SNX29: variants seen among roughly 807,000 people sequenced by gnomAD.
SNX29 encodes the protein sorting nexin-29.
Under a neutral mutation model 102.1 loss-of-function variants are expected in SNX29, and 78 were observed. The ratio of observed to expected loss-of-function variants is 0.76; its 90% CI spans 0.64 to 0.92. The LOEUF (loss-of-function observed/expected upper bound fraction) is 0.92. Ranked by LOEUF, SNX29 falls within the 40% of genes least tolerant of loss-of-function variation. SNX29 has a pLI of 0.00. For missense variants in SNX29, 1,280 were observed against 1,061.7 expected (o/e 1.21, Z -2.86); for synonymous variants, 580 against 414.5 (o/e 1.40, Z -4.85).
chr16:12,192,708 A>G (rs1266725113), intron 13 of SNX29, among the ~76,000 whole-genome samples: 1 of 151,648 alleles, frequency 6.6e-6, no homozygotes, highest in Non-Finnish European at 1.5e-5. Context: ...TCATTTATTT[A>G]TTTATTTATT....
chr16:12,335,781 CA>C (rs1460255268), intron 15 of SNX29, among the ~76,000 whole-genome samples: 5 of 151,884 alleles, frequency 3.3e-5, no homozygotes, highest in Admixed American at 6.5e-5. Flanking sequence ...CAGATTATTT[CA>C]GTGAATTTTT....
chr16:12,245,631 T>G (rs2078238373), intron 14 of SNX29, among the ~76,000 whole-genome samples: 1 of 152,298 alleles, frequency 6.6e-6, no homozygotes, highest in East Asian at 1.9e-4. Context: ...TCGTTGTGAT[T>G]TAGCCTCCCT....
At chr16:12,087,378 C>G (rs2052256038) in intron 11 of SNX29, 1 of 165,706 alleles carries the variant, frequency 6.0e-6, no homozygotes, top group Admixed American at 5.6e-5. Context: ...GATCGTGCCA[C>G]TGCACTCCAG....
chr16:12,059,312 C>T (rs531935499), intron 8 of SNX29, among the ~76,000 whole-genome samples: 42 of 152,316 alleles, frequency 2.8e-4, no homozygotes, highest in Non-Finnish European at 4.9e-4. Context: ...CTCTGGGTGC[C>T]GGCTCCGTGG....
chr16:12,210,060 G>T (rs2077142680), intron 14 of SNX29, among the ~76,000 whole-genome samples: 1 of 152,138 alleles, frequency 6.6e-6, no homozygotes, highest in Non-Finnish European at 1.5e-5. Flanking sequence ...CCCTTTCCTG[G>T]TAATCTGTTT....
intron 18 of SNX29, among the ~76,000 whole-genome samples, chr16:12,407,108 C>T (rs1169295057): frequency 1.3e-5 from 2 of 152,164 alleles, no homozygotes; most frequent in African/African-American, 4.8e-5. Context: ...GGTGTATGTG[C>T]CAAGTCAGGA....
rs1022928761 is a variant in SNX29 at position 12,096,180 on chromosome 16, G to A, written c.1402+17265G>A. Among the ~76,000 whole-genome samples the A allele has an allele frequency of 7.9e-5, 12 of 152,168 alleles. No individual in the cohort carries two copies. Among genetic ancestry groups the A allele is most frequent in the African/African-American group, 2.7e-4 (11 of 41,446 alleles). ...GACGTGGCCAACACAGATCCCTCAC[G>A]CTGGGCATCTTTCTTTAAAGGGGAA... On this transcript the variant is annotated intron_variant, in intron 11 of 20. Transcript: ENST00000566228. The surrounding 1 kb of genome is among the most constrained non-coding windows in gnomAD (Gnocchi z 4.2).
At chr16:12,113,802 C>T (rs1363636780) in intron 11 of SNX29, among the ~76,000 whole-genome samples, 2 of 152,208 alleles carry the variant, frequency 1.3e-5, no homozygotes, top group African/African-American at 2.4e-5. Context: ...GAGCGGCCAG[C>T]GGACAGGAAC....
chr16:12,513,555 C>A (rs962752320), intron 19 of SNX29, among the ~76,000 whole-genome samples: 3 of 152,112 alleles, frequency 2.0e-5, no homozygotes, highest in Admixed American at 6.5e-5. Context: ...AGGTGGTGAT[C>A]ACCTAGAAAA....
At chr16:12,563,942 T>G (rs894774763) in intron 20 of SNX29, among the ~76,000 whole-genome samples, 6 of 152,178 alleles carry the variant, frequency 3.9e-5, no homozygotes, top group Admixed American at 2.6e-4. Flanking sequence ...ACGCTGATCT[T>G]GTTCAAGAAA....
intron 5 of SNX29, among the ~76,000 whole-genome samples, chr16:12,044,266 C>G (rs1039779931): frequency 2.0e-5 from 3 of 152,202 alleles, no homozygotes; most frequent in Admixed American, 6.5e-5. Flanking sequence ...ATGTCTTGCC[C>G]TGTGTTCCCT....
At chr16:12,001,272 C>T (rs1567511989) in intron 2 of SNX29, among the ~76,000 whole-genome samples, 1 of 152,056 alleles carries the variant, frequency 6.6e-6, no homozygotes, top group Non-Finnish European at 1.5e-5. Flanking sequence ...CCATCACACC[C>T]GGCTAATTTT....
chr16:12,419,493 A>C (rs1185677313), intron 18 of SNX29, among the ~76,000 whole-genome samples: 2 of 151,936 alleles, frequency 1.3e-5, no homozygotes, highest in African/African-American at 4.8e-5. Context: ...GATGACATTC[A>C]TTGACTTGCC....
intron 9 of SNX29, among the ~76,000 whole-genome samples, chr16:12,062,478 C>A (rs912823748): frequency 6.6e-6 from 1 of 151,950 alleles, no homozygotes; most frequent in Non-Finnish European, 1.5e-5. Context: ...AGCACGTGCC[C>A]GTGTGGTTTG....
intron 20 of SNX29, among the ~76,000 whole-genome samples, chr16:12,538,571 A>T (rs1327707684): frequency 6.6e-6 from 1 of 152,114 alleles, no homozygotes; most frequent in Non-Finnish European, 1.5e-5. Context: ...GTCTTAGCTG[A>T]GCTGGCTTCT....
chr16:12,387,571 T>C (rs1447784289), intron 16 of SNX29, among the ~76,000 whole-genome samples: 2 of 152,110 alleles, frequency 1.3e-5, no homozygotes, highest in Non-Finnish European at 2.9e-5. Flanking sequence ...TTTTGTTGAG[T>C]GCTTATTATT....
At chr16:12,281,400 A>G (rs2079426119) in intron 15 of SNX29, among the ~76,000 whole-genome samples, 2 of 152,196 alleles carry the variant, frequency 1.3e-5, no homozygotes, top group Admixed American at 1.3e-4. Flanking sequence ...CCTGGACAGC[A>G]CAGAACCTAA....
Position 12,244,085 on chromosome 16 carries a change from T to C in SNX29, c.1679-33848T>C, listed in dbSNP as rs547869749. On this transcript the variant is annotated intron_variant, in intron 14 of 20. Transcript: ENST00000566228. ...GATCCCATGGGTGCGCAGCTCACAATACGGTTCATGCACCTCTGAGATTCT... is the reference window on the plus strand; with the variant it reads ...GATCCCATGGGTGCGCAGCTCACAACACGGTTCATGCACCTCTGAGATTCT... Among the ~76,000 whole-genome samples the C allele has an allele frequency of 3.0e-3, 463 of 152,278 alleles. 3 individuals are homozygous for C. Among genetic ancestry groups the C allele is most frequent in the Non-Finnish European group, 5.3e-3 (358 of 68,012 alleles).
At position 12,572,184 on chromosome 16, in the gene SNX29, C is replaced by G; in HGVS notation, c.*3555C>G. ...TTGATAACCATGTAATTTCTTAGAA[C>G]CATGGCAGGTAGTATTGTGCTTTAA... On this transcript the variant is annotated 3_prime_UTR_variant, in exon 21 of 21. Transcript: ENST00000566228. 5.2e-6 allele frequency: 5 copies of G among 964,602 alleles called. No individual in the cohort carries two copies. The highest frequency in any genetic ancestry group is 6.3e-6 in the Non-Finnish European group (5 of 788,408). The allele number at this position is 964,602 out of a possible 1,614,324, so 59.8% of individuals were successfully genotyped here.
Sources: gnomAD v4.1 joint callset for allele counts (sites outside exome capture counted in the v4.1 genomes callset) on GRCh38, gnomAD v4.1.1 for gene constraint, Gnocchi (gnomAD v3.1) non-coding constraint, MANE v1.5 for transcripts, NCBI Gene and HGNC (gene_info 2026-07-23, HGNC 2026-07-21) for gene names.